The following NLGN1 variants were observed in gnomAD, a reference collection of about 807,000 sequenced individuals.
NLGN1 encodes neuroligin 1.
In NLGN1, 12 loss-of-function variants were observed where a neutral mutation model predicts 65.5. That is an observed-to-expected ratio of 0.18 (90% CI 0.12 to 0.30). The LOEUF is 0.30. Ranked by LOEUF, NLGN1 falls within the 10% of genes least tolerant of loss-of-function variation. The pLI, the probability that NLGN1 is intolerant of heterozygous loss-of-function variation, is 1.00. For missense variants in NLGN1, 750 were observed against 1,007.1 expected (o/e 0.74, Z 3.46); for synonymous variants, 350 against 359.5 (o/e 0.97, Z 0.30).
intron 4 of NLGN1, among the ~76,000 whole-genome samples, chr3:173,914,659 T>C (rs1740375567): frequency 1.3e-5 from 2 of 152,126 alleles, no homozygotes; most frequent in Admixed American, 1.3e-4. Context: ...ATGGGGTTAC[T>C]ATGTAAAAGT....
intron 4 of NLGN1, among the ~76,000 whole-genome samples, chr3:173,902,953 G>A (rs537005634): frequency 1.3e-5 from 2 of 152,224 alleles, no homozygotes; most frequent in East Asian, 1.9e-4. Context: ...CACAATAAAA[G>A]TACCATGTGT....
Position 174,266,016 on chromosome 3 carries a change from A to G in NLGN1, c.647-9299A>G, listed in dbSNP as rs564999052. On this transcript the variant is annotated intron_variant, in intron 4 of 6. Coordinates refer to ENST00000457714, the Ensembl canonical transcript of NLGN1. ...TATATATATATTGCCCTCAGTGCAT[A>G]TATATGTGTGTGTGTGTATATATAT... Among the ~76,000 whole-genome samples the G allele has an allele frequency of 3.9e-3, 550 of 141,824 alleles. 3 individuals are homozygous for G. Among genetic ancestry groups the G allele is most frequent in the Middle Eastern group, 0.023 (6 of 266 alleles). 93.0% of individuals were successfully genotyped at this position (141,824 alleles called of 152,430 possible). A position where few individuals can be genotyped will look rare whatever the true frequency, so the allele number is the denominator to read the frequency against.
intron 2 of NLGN1, among the ~76,000 whole-genome samples, chr3:173,490,867 G>A (rs1388919062): frequency 6.6e-6 from 1 of 151,968 alleles, no homozygotes; most frequent in Non-Finnish European, 1.5e-5. Flanking sequence ...TTGTGAATGG[G>A]AGTTCATTCA....
chr3:173,995,263 A>G (rs987933218), intron 4 of NLGN1, among the ~76,000 whole-genome samples: 2 of 152,112 alleles, frequency 1.3e-5, no homozygotes, highest in South Asian at 2.1e-4. Flanking sequence ...CTAGTGAACT[A>G]TTTGCCATCT....
At chr3:174,181,667 A>T (rs1424714823) in intron 4 of NLGN1, among the ~76,000 whole-genome samples, 1 of 152,044 alleles carries the variant, frequency 6.6e-6, no homozygotes, top group Non-Finnish European at 1.5e-5. Context: ...AGTGGCTTAA[A>T]CCTGTAATCC....
intron 4 of NLGN1, among the ~76,000 whole-genome samples, chr3:174,239,644 T>C (rs1234573596): frequency 6.6e-6 from 1 of 152,218 alleles, no homozygotes; most frequent in Non-Finnish European, 1.5e-5. Context: ...TTATTATTTC[T>C]TCATGTGTTT....
At chr3:174,249,030 A>G (rs1257285586) in intron 4 of NLGN1, among the ~76,000 whole-genome samples, 3 of 152,192 alleles carry the variant, frequency 2.0e-5, no homozygotes, top group Non-Finnish European at 2.9e-5. Context: ...TTTGTTAGGA[A>G]CCTTAGAGGG....
intron 4 of NLGN1, among the ~76,000 whole-genome samples, chr3:173,944,430 G>A (rs1461802421): frequency 6.6e-6 from 1 of 152,118 alleles, no homozygotes; most frequent in African/African-American, 2.4e-5. Flanking sequence ...GATGCTCTAT[G>A]TTAGAAATAA....
chr3:173,575,305 A>C (rs1745336032), intron 2 of NLGN1, among the ~76,000 whole-genome samples: 1 of 152,252 alleles, frequency 6.6e-6, no homozygotes, highest in African/African-American at 2.4e-5. Context: ...GGTAAACTTC[A>C]GTTTATGGAA....
At chr3:174,203,201 G>C (rs1734804304) in intron 4 of NLGN1, among the ~76,000 whole-genome samples, 1 of 152,088 alleles carries the variant, frequency 6.6e-6, no homozygotes, top group South Asian at 2.1e-4. Context: ...ATGCTTCAAT[G>C]ATCTAGACAA....
chr3:174,040,722 T>C (rs912827137), intron 4 of NLGN1, among the ~76,000 whole-genome samples: 3 of 152,070 alleles, frequency 2.0e-5, no homozygotes, highest in Non-Finnish European at 4.4e-5. Flanking sequence ...AAGTAAGAGG[T>C]TTTTAATTTT....
intron 4 of NLGN1, among the ~76,000 whole-genome samples, chr3:173,841,335 A>T (rs936195944): frequency 6.6e-6 from 1 of 152,198 alleles, no homozygotes; most frequent in Non-Finnish European, 1.5e-5. Context: ...TTTCTCTATT[A>T]GGCATCTTTG....
intron 2 of NLGN1, among the ~76,000 whole-genome samples, chr3:173,587,932 A>T (rs919596196): frequency 6.6e-6 from 1 of 152,174 alleles, no homozygotes; most frequent in African/African-American, 2.4e-5. Flanking sequence ...AACTACATTA[A>T]ATGTTATTTT....
chr3:173,948,001 T>C (rs1747504298), intron 4 of NLGN1, among the ~76,000 whole-genome samples: 1 of 152,244 alleles, frequency 6.6e-6, no homozygotes, highest in African/African-American at 2.4e-5. Context: ...CATTTGCTTC[T>C]TAATGGCCTG....
At chr3:173,676,514 GT>G (rs562278955) in intron 3 of NLGN1, among the ~76,000 whole-genome samples, 3 of 151,750 alleles carry the variant, frequency 2.0e-5, no homozygotes, top group African/African-American at 7.3e-5. Context: ...GTTTTTGTTT[GT>G]TTTTTTCTCT....
intron 2 of NLGN1, among the ~76,000 whole-genome samples, chr3:173,566,990 G>A (rs746313628): frequency 3.3e-5 from 5 of 152,026 alleles, no homozygotes; most frequent in Non-Finnish European, 7.4e-5. Flanking sequence ...CACTAATGTC[G>A]AGTAAACAAT....
intron 3 of NLGN1, among the ~76,000 whole-genome samples, chr3:173,705,542 G>A (rs1767917663): frequency 6.6e-6 from 1 of 152,130 alleles, no homozygotes; most frequent in African/African-American, 2.4e-5. Context: ...GTTTACAGTT[G>A]TGTAAGAAAT....
intron 4 of NLGN1, among the ~76,000 whole-genome samples, chr3:174,273,305 TCA>T (rs1295975013): frequency 7.0e-6 from 1 of 143,214 alleles, no homozygotes; most frequent in Non-Finnish European, 1.5e-5. Flanking sequence ...TCTCTCTCTC[TCA>T]CACGCACATA....
At chr3:173,765,283 A>G (rs2150230467) in intron 3 of NLGN1, among the ~76,000 whole-genome samples, 1 of 152,288 alleles carries the variant, frequency 6.6e-6, no homozygotes, top group Admixed American at 6.5e-5. Context: ...CAGAATCTAA[A>G]ACAATATAGA....
Sources: gnomAD v4.1 joint callset for allele counts (sites outside exome capture counted in the v4.1 genomes callset) on GRCh38, gnomAD v4.1.1 for gene constraint, MANE v1.5 for transcripts, NCBI Gene and HGNC (gene_info 2026-07-23, HGNC 2026-07-21) for gene names.